Variants in PSPC1 observed in about 807,000 individuals in gnomAD.
PSPC1 encodes the protein paraspeckle component 1, also known as paraspeckle protein 1.
A neutral mutation model predicts 51.6 loss-of-function variants in PSPC1; 14 were observed. The ratio of observed to expected loss-of-function variants is 0.27; its 90% CI spans 0.18 to 0.42. PSPC1 has a LOEUF of 0.42. Ranked by LOEUF, PSPC1 falls within the 10% of genes least tolerant of loss-of-function variation. The probability of loss-of-function intolerance (pLI) is 1.00; values close to 1 mark genes in which losing one functional copy is unlikely to be tolerated. For missense variants in PSPC1, 406 were observed against 701.1 expected, an observed-to-expected ratio of 0.58 and a Z score of 4.75; for synonymous variants, 193 against 231.9, an observed-to-expected ratio of 0.83 and a Z score of 1.53.
chr13:19,750,477 C>T (rs1189091235), intron 4 of PSPC1, among the ~76,000 whole-genome samples: 1 of 131,128 alleles, frequency 7.6e-6, no homozygotes, highest in African/African-American at 2.6e-5. Context: ...TATATATATA[C>T]ACTTACCAAT....
intron 3 of PSPC1, among the ~76,000 whole-genome samples, chr13:19,754,818 C>T (rs1283631385): frequency 6.6e-6 from 1 of 152,148 alleles, no homozygotes; most frequent in Non-Finnish European, 1.5e-5. Context: ...TTGTTAACAA[C>T]CTTGTACTTC....
intron 2 of PSPC1, among the ~76,000 whole-genome samples, chr13:19,768,732 T>C (rs929132081): frequency 1.3e-5 from 2 of 150,920 alleles, no homozygotes; most frequent in African/African-American, 4.9e-5. Flanking sequence ...GAAAGATATA[T>C]AATTGGCCAA....
intron 5 of PSPC1, among the ~76,000 whole-genome samples, chr13:19,737,816 G>A (rs1014629893): frequency 6.6e-6 from 1 of 152,126 alleles, no homozygotes; most frequent in Non-Finnish European, 1.5e-5. Flanking sequence ...CAGGCATGGT[G>A]GCACATGCCT....
chr13:19,690,165 AGGT>A lies in PSPC1; in HGVS notation c.1159-12345_1159-12343del, dbSNP rs566835272. ...CAATGTATCAAAACCTGAGAGGATT[AGGT>A]AGTCCCCTTCATCACATATAATTTT... On this transcript the variant is annotated intron_variant and NMD_transcript_variant, in intron 6 of 7. Transcript: ENST00000471658. Among the ~76,000 whole-genome samples, 45 of 152,368 alleles carry A rather than the reference AGGT, an allele frequency of 3.0e-4. No homozygotes were observed. In the South Asian group the frequency reaches 6.0e-3, roughly 20 times the overall value.
intron 3 of PSPC1, 105 bp downstream of exon 3, chr13:19,759,217 CA>C: frequency 1.2e-6 from 1 of 854,684 alleles, no homozygotes; most frequent in Non-Finnish European, 1.9e-6. Context: ...CTCTATTACC[CA>C]GATTATATAA....
At chr13:19,757,113 G>C (rs911552678) in intron 3 of PSPC1, among the ~76,000 whole-genome samples, 2 of 145,714 alleles carry the variant, frequency 1.4e-5, no homozygotes, top group African/African-American at 5.0e-5. Context: ...CTGGGCAATG[G>C]AGTGAGACTC....
chr13:19,696,818 G>C (rs1879320615), intron 6 of PSPC1, among the ~76,000 whole-genome samples: 1 of 152,152 alleles, frequency 6.6e-6, no homozygotes, highest in Non-Finnish European at 1.5e-5. Context: ...GGTATGCTGA[G>C]AATCTGCTAA....
intron 2 of PSPC1, among the ~76,000 whole-genome samples, chr13:19,771,581 A>T (rs1888632675): frequency 6.6e-6 from 1 of 151,808 alleles, no homozygotes; most frequent in Admixed American, 6.6e-5. Flanking sequence ...GATTACAGGG[A>T]TGTGTCACCA....
intron 5 of PSPC1, chr13:19,737,229 C>A (rs1279657861): frequency 6.6e-6 from 1 of 152,254 alleles, no homozygotes; most frequent in African/African-American, 2.4e-5. Flanking sequence ...CCCACCTCAG[C>A]CTCCTAAGTA....
intron 6 of PSPC1, among the ~76,000 whole-genome samples, chr13:19,729,365 C>T (rs141493455): frequency 5.8e-4 from 88 of 151,870 alleles, no homozygotes; most frequent in African/African-American, 2.1e-3. Context: ...AGTGAAACCC[C>T]GTCTCTACTA....
chr13:19,740,565 T>A (rs992699861), intron 5 of PSPC1, among the ~76,000 whole-genome samples: 3 of 152,216 alleles, frequency 2.0e-5, no homozygotes, highest in Non-Finnish European at 4.4e-5. Context: ...CTTACATTTT[T>A]AAAGCAAATA....
At chr13:19,717,753 C>G (rs1186229061) in intron 6 of PSPC1, among the ~76,000 whole-genome samples, 1 of 151,474 alleles carries the variant, frequency 6.6e-6, no homozygotes, top group Non-Finnish European at 1.5e-5. Flanking sequence ...GTGGTGCACC[C>G]CTGTATCCCA....
intron 7 of PSPC1, among the ~76,000 whole-genome samples, chr13:19,677,381 C>T (rs1876783402): frequency 6.6e-6 from 1 of 152,016 alleles, no homozygotes; most frequent in African/African-American, 2.4e-5. Flanking sequence ...TATGTCATTT[C>T]CCCTCTTAGT....
chr13:19,674,397 G>GGAGA (rs1876391590), downstream of PSPC1, among the ~76,000 whole-genome samples: 1 of 152,138 alleles, frequency 6.6e-6, no homozygotes, highest in African/African-American at 2.4e-5. Flanking sequence ...TCTTAAATGT[G>GGAGA]GAGAATCTTA....
At chr13:19,758,207 G>C (rs1887277743) in intron 3 of PSPC1, among the ~76,000 whole-genome samples, 1 of 152,008 alleles carries the variant, frequency 6.6e-6, no homozygotes, top group Non-Finnish European at 1.5e-5. Flanking sequence ...CAGCTACTCG[G>C]GAGGCTGAGG....
chr13:19,683,979 TA>T (rs1877571909), intron 6 of PSPC1, among the ~76,000 whole-genome samples: 1 of 151,964 alleles, frequency 6.6e-6, no homozygotes, highest in African/African-American at 2.4e-5. Flanking sequence ...AAGGAAAAAT[TA>T]ACTCCATTTC....
intron 3 of PSPC1, among the ~76,000 whole-genome samples, chr13:19,758,150 T>C (rs1887269421): frequency 6.6e-6 from 1 of 151,826 alleles, no homozygotes; most frequent in African/African-American, 2.4e-5. Context: ...CCGTCTCTAC[T>C]AAAATACAAA....
exon 7 of PSPC1, chr13:19,677,733 A>C (rs562133815): frequency 2.1e-6 from 1 of 466,510 alleles, no homozygotes; most frequent in South Asian, 1.5e-5. Flanking sequence ...CCTGAAAGGA[A>C]GTATGATTCC....
At chr13:19,686,816 T>C (rs923741075) in intron 6 of PSPC1, among the ~76,000 whole-genome samples, 8 of 152,208 alleles carry the variant, frequency 5.3e-5, no homozygotes, top group African/African-American at 1.4e-4. Context: ...TTTAGGTAAC[T>C]TTTAAGTTTG....
Sources: gnomAD v4.1 joint callset for allele counts (sites outside exome capture counted in the v4.1 genomes callset) on GRCh38, gnomAD v4.1.1 for gene constraint, MANE v1.5 for transcripts, NCBI Gene and HGNC (gene_info 2026-07-23, HGNC 2026-07-21) for gene names.